Variants in ZNF786 observed in about 807,000 individuals in gnomAD.
ZNF786 encodes zinc finger protein 786.
In ZNF786, 56 loss-of-function variants were observed where a neutral mutation model predicts 63.1. The ratio of observed to expected loss-of-function variants is 0.89; its 90% CI spans 0.72 to 1.11. The LOEUF is 1.11. Ranked by LOEUF, ZNF786 falls within the 50% of genes least tolerant of loss-of-function variation. ZNF786 has a pLI of 0.00. For missense variants in ZNF786, 1,213 were observed against 1,041.8 expected, an observed-to-expected ratio of 1.16 and a Z score of -2.26; for synonymous variants, 485 against 406.9, an observed-to-expected ratio of 1.19 and a Z score of -2.31.
Position 149,074,436 on chromosome 7 carries a change from G to C in ZNF786, c.248C>G (p.Ser83Cys), listed in dbSNP as rs779425597. The change falls in exon 3 of 4, where the codon TCC (serine) becomes TGC (cysteine). Residue 83 changes from serine to cysteine, a missense_variant. Coordinates refer to ENST00000491431, the MANE Select transcript of ZNF786 (RefSeq NM_152411.4). ...ESQKSGNIIC[S>C]SVDMHFDPGF... ...TGGATCAAAATGCATATCAACAGAGGAGCAAATTATGTTTCCTGATTTCTG... is the reference window on the plus strand; with the variant it reads ...TGGATCAAAATGCATATCAACAGAGCAGCAAATTATGTTTCCTGATTTCTG... 6.2e-7 allele frequency: 1 copy of C among 1,613,868 alleles called. No individual in the cohort carries two copies. Among genetic ancestry groups the C allele is most frequent in the Non-Finnish European group, 8.5e-7 (1 of 1,179,866 alleles).
intron 2 of ZNF786, among the ~76,000 whole-genome samples, chr7:149,076,719 G>GAA (rs71192749): frequency 3.1e-5 from 4 of 127,698 alleles, no homozygotes; most frequent in African/African-American, 6.6e-5. Flanking sequence ...ACTCCATCTT[G>GAA]AAAAAAAAAA....
rs368903163 is a variant in ZNF786, at chr7:149,072,094, C to T, written c.678G>A (p.Glu226=). The T allele has an allele frequency of 2.7e-4, 434 of 1,613,252 alleles. 3 individuals are homozygous for T. The South Asian group carries it at 3.4e-3, about 13-fold the overall frequency. The stretch of plus-strand genomic sequence containing the variant: ...GAGGGCTGCTCCACGGCATCTGCGT[C>T]TCCGCCCTCTTGTTGAATTTCTCCC... The part of the protein sequence containing the change: ...RAWEKFNKRA[E]TQMPWSSPRV... Residue 226 remains glutamate, a synonymous_variant, in exon 4 of 4, where the codon GAG becomes GAA. Transcript: ENST00000491431.
chr7:149,075,541 G>C (rs916055413), intron 2 of ZNF786, among the ~76,000 whole-genome samples: 1 of 151,722 alleles, frequency 6.6e-6, no homozygotes, highest in Non-Finnish European at 1.5e-5. Context: ...CACCGCACCT[G>C]GCCAGTGGTT....
chr7:149,071,787 CT>C lies in ZNF786; in HGVS notation c.984del (p.Gly329AlafsTer52). On this transcript the variant is annotated frameshift_variant, in exon 4 of 4. Transcript: ENST00000491431. LOFTEE classifies it high-confidence loss of function. Reference sequence around the variant, plus strand: ...TGCACACTGCTGGAGGCCCCGCGGCCTTCTCTCCAAGAGGCCGGCCCCTCCC... The same window carrying C: ...TGCACACTGCTGGAGGCCCCGCGGCCTCTCTCCAAGAGGCCGGCCCCTCCC... ...HSREGPASWR[E>X]GRGASSSVHS... The C allele has an allele frequency of 6.3e-7, 1 of 1,582,338 alleles. No homozygotes were observed.
At chr7:149,080,552 C>T (rs1371637066) in intron 2 of ZNF786, 39 bp downstream of exon 2, 3 of 1,518,088 alleles carry the variant, frequency 2.0e-6, no homozygotes, top group Non-Finnish European at 2.6e-6. Context: ...TTACAGGATC[C>T]AGTTCCATGA....
Position 149,071,700 on chromosome 7 carries a change from T to A in ZNF786, c.1072A>T (p.Thr358Ser), listed in dbSNP as rs1220590905. ...TCTGCGCCATGCTGCAGCGCCTCCG[T>A]GTCCCCTTCCTGGTGGCTGTTCCCC... is the stretch of plus-strand genomic sequence containing the variant. ...QEGNSHQEGDTEALQHGAEGP... is the reference protein window; with the variant it reads ...QEGNSHQEGDSEALQHGAEGP... Residue 358 changes from threonine (T) to serine (S), a missense_variant, in exon 4 of 4, where the codon ACG becomes TCG. By Grantham distance (58) the Thr-to-Ser change is moderately conservative (BLOSUM62 1). Transcript: ENST00000491431. 5 of 1,574,458 alleles carry A rather than the reference T, an allele frequency of 3.2e-6. No homozygotes were observed. Among genetic ancestry groups the A allele is most frequent in the African/African-American group, 1.3e-5 (1 of 74,376 alleles).
chr7:149,081,660 A>G (rs1825656486), intron 1 of ZNF786, among the ~76,000 whole-genome samples: 1 of 152,138 alleles, frequency 6.6e-6, no homozygotes, highest in South Asian at 2.1e-4. Context: ...TTGCCAGCAC[A>G]AGATGTTCTC....
intron 3 of ZNF786, among the ~76,000 whole-genome samples, chr7:149,073,694 T>A (rs1053288053): frequency 6.8e-6 from 1 of 147,106 alleles, no homozygotes; most frequent in African/African-American, 2.5e-5. Flanking sequence ...TATATACATA[T>A]GTATATACAC....
intron 1 of ZNF786, among the ~76,000 whole-genome samples, chr7:149,083,262 T>C (rs2888569): frequency 0.8 from 121,776 of 151,456 alleles, 49,166 homozygotes; most frequent in East Asian, 0.96. Context: ...TTTGCCCAGG[T>C]TGGAGTAAAG....
intron 1 of ZNF786, among the ~76,000 whole-genome samples, chr7:149,083,740 C>G (rs138486811): frequency 6.5e-4 from 99 of 152,222 alleles, no homozygotes; most frequent in African/African-American, 2.1e-3. Flanking sequence ...TTCCCTGCTT[C>G]GTATCCATAT....
At position 149,071,937 on chromosome 7, in the gene ZNF786, G is replaced by C; in HGVS notation, c.835C>G (p.His279Asp). ...RNADGEMCFR[H>D]ELTHPSHRLP... is the part of the protein sequence containing the mutation. ...CGGTGGCTGGGATGGGTCAGCTCGT[G>C]TCGGAAGCACATTTCACCGTCAGCG... Residue 279 changes from histidine to aspartate, a missense_variant, in exon 4 of 4, where the codon CAC (histidine) becomes GAC (aspartate). His to Asp is a moderately conservative substitution (Grantham distance 81). Transcript: ENST00000491431. 1 of 1,610,444 alleles carries C rather than the reference G, an allele frequency of 6.2e-7. No homozygotes were observed. Among genetic ancestry groups the C allele is most frequent in the Non-Finnish European group, 8.5e-7 (1 of 1,179,370 alleles).
Position 149,070,620 on chromosome 7 carries a change from G to C in ZNF786, c.2152C>G (p.His718Asp), listed in dbSNP as rs941365587. ...TGGATGCGCTGGTGCCTCAGCATGT[G>C]TCCCCTTTCCCGGAAGTTCTTGTCA... The part of the protein sequence containing the change: ...ECDKNFRERG[H>D]MLRHQRIHRP... Residue 718 changes from histidine (H) to aspartate (D), a missense_variant, in exon 4 of 4, where the codon CAC becomes GAC. By Grantham distance (81) the His-to-Asp change is moderately conservative. Transcript: ENST00000491431. 2.5e-6 allele frequency: 4 copies of C among 1,613,876 alleles called. No homozygotes were observed. Among genetic ancestry groups the C allele is most frequent in the Non-Finnish European group, 3.4e-6 (4 of 1,179,902 alleles).
chr7:149,088,792 C>T (rs1259038840), intron 1 of ZNF786, among the ~76,000 whole-genome samples: 2 of 152,108 alleles, frequency 1.3e-5, no homozygotes, highest in African/African-American at 4.8e-5. Flanking sequence ...ATTCTCCTTC[C>T]TTTGTAAAGG....
Position 149,071,853 on chromosome 7 carries a change from G to T in ZNF786, c.919C>A (p.Pro307Thr). Residue 307 changes from proline (P) to threonine (T), a missense_variant, in exon 4 of 4, where the codon CCA becomes ACA. Pro to Thr is a conservative substitution (Grantham distance 38). Coordinates refer to ENST00000491431, the MANE Select transcript of ZNF786 (RefSeq NM_152411.4). ...QCTPCGKRSLPVDSTQARRCQ... is the reference protein window; with the variant it reads ...QCTPCGKRSLTVDSTQARRCQ... ...CGGCGAGCCTGCGTGCTGTCCACTGGGAGGGAGCGCTTGCCGCATGGGGTG... is the reference window on the plus strand; with the variant it reads ...CGGCGAGCCTGCGTGCTGTCCACTGTGAGGGAGCGCTTGCCGCATGGGGTG... 2 of 1,598,196 alleles carry T rather than the reference G, an allele frequency of 1.3e-6. No homozygotes were observed. Among genetic ancestry groups the T allele is most frequent in the Non-Finnish European group, 1.7e-6 (2 of 1,176,210 alleles).
chr7:149,084,551 T>C (rs1180395323), intron 1 of ZNF786, among the ~76,000 whole-genome samples: 1 of 152,184 alleles, frequency 6.6e-6, no homozygotes, highest in Admixed American at 6.6e-5. Flanking sequence ...AAATGATTAG[T>C]GATGCTGAGC....
intron 2 of ZNF786, among the ~76,000 whole-genome samples, chr7:149,079,834 C>G (rs1452626983): frequency 8.9e-5 from 13 of 146,466 alleles, no homozygotes; most frequent in Admixed American, 1.4e-4. Flanking sequence ...CTCCCAAAGT[C>G]CTGGGATTAC....
chr7:149,087,991 G>A (rs1165591322), intron 1 of ZNF786, among the ~76,000 whole-genome samples: 1 of 110,076 alleles, frequency 9.1e-6, no homozygotes, highest in East Asian at 4.4e-4. Flanking sequence ...ATGTTGCCCA[G>A]GCTTTTTTTT....
chr7:149,086,844 C>CTT (rs34115320), intron 1 of ZNF786, among the ~76,000 whole-genome samples: 1 of 139,472 alleles, frequency 7.2e-6, no homozygotes, highest in African/African-American at 2.6e-5. Context: ...AGCGCAGATC[C>CTT]TTTTTTTTTT....
intron 2 of ZNF786, among the ~76,000 whole-genome samples, chr7:149,078,860 G>C (rs752447487): frequency 2.0e-4 from 31 of 152,072 alleles, no homozygotes; most frequent in Non-Finnish European, 3.8e-4. Flanking sequence ...ATACAATCTA[G>C]AATCTTAAAC....
Sources: allele counts gnomAD v4.1 joint callset (sites outside exome capture counted in the v4.1 genomes callset), GRCh38; gene constraint gnomAD v4.1.1; transcripts MANE v1.5; gene names NCBI Gene and HGNC (gene_info 2026-07-23, HGNC 2026-07-21).